Variants in CYYR1 observed in about 807,000 individuals in gnomAD.
CYYR1 encodes the protein cysteine and tyrosine rich 1.
Under a neutral mutation model 15.2 loss-of-function variants are expected in CYYR1, and 14 were observed. The observed-to-expected ratio is 0.92, with a 90% confidence interval of 0.61 to 1.44. CYYR1 has a LOEUF of 1.44. Ranked by LOEUF, CYYR1 falls within the 40% of genes most tolerant of loss-of-function variation. The pLI, the probability that CYYR1 is intolerant of heterozygous loss-of-function variation, is 0.00. For synonymous variants in CYYR1, 80 were observed against 77.4 expected, an observed-to-expected ratio of 1.03 and a Z score of -0.18; for missense variants, 228 against 209.5, an observed-to-expected ratio of 1.09 and a Z score of -0.54.
At chr21:26,513,174 G>T (rs2065674102) in intron 2 of CYYR1, among the ~76,000 whole-genome samples, 1 of 152,170 alleles carries the variant, frequency 6.6e-6, no homozygotes, top group Non-Finnish European at 1.5e-5. Context: ...TTGAAATCTT[G>T]CTTCTGTGAA....
intron 2 of CYYR1, among the ~76,000 whole-genome samples, chr21:26,500,375 T>G (rs2065464169): frequency 6.6e-6 from 1 of 152,160 alleles, no homozygotes; most frequent in Non-Finnish European, 1.5e-5. Flanking sequence ...GGAGCTCTTC[T>G]AGGTCCTGAG....
chr21:26,501,927 C>G (rs1030586497), intron 2 of CYYR1, among the ~76,000 whole-genome samples: 5 of 152,064 alleles, frequency 3.3e-5, no homozygotes. Flanking sequence ...AACACATACA[C>G]CAAAGGATCT....
chr21:26,500,347 A>G (rs2065463754), intron 2 of CYYR1, among the ~76,000 whole-genome samples: 1 of 152,204 alleles, frequency 6.6e-6, no homozygotes, highest in African/African-American at 2.4e-5. Flanking sequence ...TGGGCCACAT[A>G]GGAAAGAGGG....
chr21:26,535,903 T>G (rs1271003146), intron 2 of CYYR1, among the ~76,000 whole-genome samples: 2 of 152,130 alleles, frequency 1.3e-5, no homozygotes, highest in East Asian at 3.9e-4. Flanking sequence ...CAGAGAAGCA[T>G]GAGAAAGAGG....
chr21:26,543,884 C>T (rs188814717), intron 2 of CYYR1, among the ~76,000 whole-genome samples: 7 of 151,992 alleles, frequency 4.6e-5, no homozygotes, highest in Admixed American at 2.6e-4. Context: ...CCAGCCTGGG[C>T]TACAGAGTGA....
chr21:26,565,705 G>A (rs1980568221), intron 2 of CYYR1, among the ~76,000 whole-genome samples: 1 of 152,144 alleles, frequency 6.6e-6, no homozygotes, highest in South Asian at 2.1e-4. Flanking sequence ...TTTGTGCCTT[G>A]TTGTTTATCA....
chr21:26,527,711 G>A (rs892185912), intron 2 of CYYR1, among the ~76,000 whole-genome samples: 1 of 152,152 alleles, frequency 6.6e-6, no homozygotes, highest in Non-Finnish European at 1.5e-5. Flanking sequence ...ATTGTATAAA[G>A]AGTACTGCTG....
intron 2 of CYYR1, among the ~76,000 whole-genome samples, chr21:26,514,618 G>A (rs1392196446): frequency 6.6e-6 from 1 of 152,148 alleles, no homozygotes; most frequent in Non-Finnish European, 1.5e-5. Flanking sequence ...ACACAAAAGT[G>A]GCCCTAGTTT....
intron 2 of CYYR1, among the ~76,000 whole-genome samples, chr21:26,495,384 C>G (rs1420961800): frequency 6.6e-6 from 1 of 152,158 alleles, no homozygotes; most frequent in Non-Finnish European, 1.5e-5. Context: ...TCCCAGCTTC[C>G]CACGCGTCTC....
intron 2 of CYYR1, among the ~76,000 whole-genome samples, chr21:26,494,887 G>A (rs946166197): frequency 1.3e-5 from 2 of 152,188 alleles, no homozygotes; most frequent in Admixed American, 6.5e-5. Context: ...ACGTGTTACA[G>A]GGAACTTACC....
chr21:26,523,030 G>C (rs972292397), intron 2 of CYYR1, among the ~76,000 whole-genome samples: 2 of 152,194 alleles, frequency 1.3e-5, no homozygotes, highest in Non-Finnish European at 2.9e-5. Flanking sequence ...ATTGAAAATG[G>C]TAAGATAGAG....
intron 2 of CYYR1, among the ~76,000 whole-genome samples, chr21:26,517,793 C>T (rs1374171297): frequency 2.0e-5 from 3 of 152,156 alleles, no homozygotes; most frequent in African/African-American, 4.8e-5. Context: ...TGAGTTCAGG[C>T]TATCCTCCCA....
At chr21:26,497,772 A>G (rs2065427638) in intron 2 of CYYR1, among the ~76,000 whole-genome samples, 1 of 152,186 alleles carries the variant, frequency 6.6e-6, no homozygotes, top group Non-Finnish European at 1.5e-5. Flanking sequence ...TGGGGGACCA[A>G]TCAATTTAGA....
chr21:26,561,862 C>A (rs1779836348), intron 2 of CYYR1, among the ~76,000 whole-genome samples: 2 of 152,168 alleles, frequency 1.3e-5, no homozygotes, highest in Non-Finnish European at 2.9e-5. Flanking sequence ...CTCAACTTTA[C>A]TTCAGTTCCA....
intron 2 of CYYR1, among the ~76,000 whole-genome samples, chr21:26,514,877 G>A (rs2065702021): frequency 6.6e-6 from 1 of 152,210 alleles, no homozygotes; most frequent in Admixed American, 6.5e-5. Flanking sequence ...GCAGGCCTAA[G>A]TGAACCCAAA....
Position 26,467,120 on chromosome 21 carries a change from A to C in CYYR1, c.*1381T>G, listed in dbSNP as rs1391647713. 6.6e-6 allele frequency: 1 copy of C among 152,204 alleles called. No individual in the cohort carries two copies. Among genetic ancestry groups the C allele is most frequent in the Non-Finnish European group, 1.5e-5 (1 of 68,026 alleles). The allele number at this position is 152,204 out of a possible 1,614,324, so 9.4% of individuals were successfully genotyped here. Reference sequence around the variant, plus strand: ...TTTGGGATTTCACTGAATTTTGATGATGATATTGGATTAAGCATTTTAGAT... The same window carrying C: ...TTTGGGATTTCACTGAATTTTGATGCTGATATTGGATTAAGCATTTTAGAT... On this transcript the variant is annotated 3_prime_UTR_variant, in exon 4 of 4. Coordinates refer to ENST00000652641, the MANE Select transcript of CYYR1 (RefSeq NM_001320768.2).
intron 2 of CYYR1, among the ~76,000 whole-genome samples, chr21:26,549,080 C>G (rs1395286061): frequency 6.6e-6 from 1 of 151,934 alleles, no homozygotes; most frequent in Non-Finnish European, 1.5e-5. Flanking sequence ...TTTTACAGAC[C>G]TTTAAATCAG....
chr21:26,544,507 T>C (rs1385174544), intron 2 of CYYR1, among the ~76,000 whole-genome samples: 1 of 152,182 alleles, frequency 6.6e-6, no homozygotes, highest in Non-Finnish European at 1.5e-5. Context: ...TAGGATTTAT[T>C]AGCTAAATGT....
chr21:26,479,364 A>G (rs2065143235), intron 3 of CYYR1, among the ~76,000 whole-genome samples: 1 of 151,922 alleles, frequency 6.6e-6, no homozygotes, highest in African/African-American at 2.4e-5. Context: ...AATACAAAGC[A>G]CAGTTGCATG....
Sources: allele counts gnomAD v4.1 joint callset (sites outside exome capture counted in the v4.1 genomes callset), GRCh38; gene constraint gnomAD v4.1.1; transcripts MANE v1.5; gene names NCBI Gene and HGNC (gene_info 2026-07-23, HGNC 2026-07-21).